GRAP2: variants seen among roughly 807,000 people sequenced by gnomAD.
The protein encoded by GRAP2 is GRB2-related adapter protein 2.
A neutral mutation model predicts 43.5 loss-of-function variants in GRAP2; 31 were observed. That is an observed-to-expected ratio of 0.71 (90% CI 0.54 to 0.96). The LOEUF (loss-of-function observed/expected upper bound fraction) is 0.96. Among genes scored for constraint, GRAP2 ranks in the 40% least tolerant of loss-of-function variants. The pLI is 0.00. For synonymous variants in GRAP2, 156 were observed against 164.8 expected (o/e 0.95, Z 0.41); for missense variants, 371 against 424.4 (o/e 0.87, Z 1.11).
intron 2 of GRAP2, among the ~76,000 whole-genome samples, chr22:39,953,035 T>G (rs1177123217): frequency 2.0e-5 from 3 of 152,198 alleles, no homozygotes; most frequent in Non-Finnish European, 4.4e-5. Context: ...CCTTCCACCT[T>G]GGAGTGATGT....
intron 1 of GRAP2, among the ~76,000 whole-genome samples, chr22:39,927,149 C>T (rs1030694402): frequency 6.6e-6 from 1 of 152,164 alleles, no homozygotes; most frequent in African/African-American, 2.4e-5. Flanking sequence ...GCAGATGCCA[C>T]GTTGATCACG....
upstream of GRAP2, among the ~76,000 whole-genome samples, chr22:39,899,570 ATGT>A (rs137958): frequency 0.26 from 39,088 of 151,982 alleles, 6,809 homozygotes; most frequent in African/African-American, 0.5. Context: ...AAGTAGCAAG[ATGT>A]TGTTATTTTT....
At chr22:39,939,258 C>A (rs969700693) in intron 1 of GRAP2, among the ~76,000 whole-genome samples, 2 of 152,160 alleles carry the variant, frequency 1.3e-5, no homozygotes, top group Non-Finnish European at 2.9e-5. Flanking sequence ...CCTGGGATCT[C>A]GAACCTGAGA....
At chr22:39,918,299 G>T (rs1041752621) in intron 1 of GRAP2, among the ~76,000 whole-genome samples, 1 of 152,082 alleles carries the variant, frequency 6.6e-6, no homozygotes. Flanking sequence ...TTATGAAATC[G>T]CAGACGAATA....
At chr22:39,969,644 T>C in intron 7 of GRAP2, 111 bp downstream of exon 7, 1 of 1,187,160 alleles carries the variant, frequency 8.4e-7, no homozygotes, top group South Asian at 1.4e-5. Flanking sequence ...CTGGGCACGG[T>C]GGCTCACACC....
intron 3 of GRAP2, among the ~76,000 whole-genome samples, chr22:39,956,151 C>G (rs2145655270): frequency 1.3e-5 from 2 of 150,060 alleles, no homozygotes; most frequent in South Asian, 4.2e-4. Context: ...TTAAGTTGTT[C>G]TTAACTTTTT....
chr22:39,917,149 T>C (rs1286597293), intron 1 of GRAP2, among the ~76,000 whole-genome samples: 3 of 152,192 alleles, frequency 2.0e-5, no homozygotes, highest in Non-Finnish European at 4.4e-5. Context: ...ATTTTGTTGG[T>C]AGTGATTTGA....
intron 1 of GRAP2, among the ~76,000 whole-genome samples, chr22:39,921,782 A>T (rs1008503517): frequency 2.0e-5 from 3 of 152,268 alleles, no homozygotes; most frequent in Non-Finnish European, 4.4e-5. Context: ...TTTAAAACCC[A>T]TTGTTTTTAT....
chr22:39,917,372 A>G (rs142293966), intron 1 of GRAP2, among the ~76,000 whole-genome samples: 1 of 152,228 alleles, frequency 6.6e-6, no homozygotes, highest in East Asian at 1.9e-4. Context: ...TTTCACTAAC[A>G]ACACGCCTCT....
At chr22:39,912,284 G>A (rs541104967) in intron 1 of GRAP2, among the ~76,000 whole-genome samples, 1 of 152,184 alleles carries the variant, frequency 6.6e-6, no homozygotes, top group Non-Finnish European at 1.5e-5. Flanking sequence ...GCCAGGGATG[G>A]TGATGCATGC....
intron 1 of GRAP2, among the ~76,000 whole-genome samples, chr22:39,901,920 C>T (rs1470369500): frequency 2.0e-5 from 3 of 152,192 alleles, no homozygotes; most frequent in Non-Finnish European, 2.9e-5. Flanking sequence ...CTGGTTTAGG[C>T]GTCCAGTCTG....
intron 1 of GRAP2, among the ~76,000 whole-genome samples, chr22:39,912,775 G>A (rs2066575978): frequency 6.6e-6 from 1 of 152,170 alleles, no homozygotes. Flanking sequence ...GACCAGCAGT[G>A]GCCGGAGTGA....
intron 1 of GRAP2, among the ~76,000 whole-genome samples, chr22:39,906,677 C>T (rs2066525706): frequency 6.6e-6 from 1 of 152,104 alleles, no homozygotes; most frequent in South Asian, 2.1e-4. Context: ...ATGAATAATA[C>T]TTCTTCGTTT....
intron 1 of GRAP2, among the ~76,000 whole-genome samples, chr22:39,932,086 A>G (rs1032401596): frequency 2.6e-5 from 4 of 152,144 alleles, no homozygotes; most frequent in Non-Finnish European, 4.4e-5. Context: ...CCCGGTTTTC[A>G]TGTAAGAAAT....
intron 1 of GRAP2, among the ~76,000 whole-genome samples, chr22:39,935,798 T>C (rs1443674431): frequency 6.6e-6 from 1 of 152,128 alleles, no homozygotes; most frequent in African/African-American, 2.4e-5. Context: ...GGTCATGCCG[T>C]CCTCTGCTGA....
At chr22:39,898,539 G>T, upstream of GRAP2, among the ~76,000 whole-genome samples, 1 of 152,270 alleles carries the variant, frequency 6.6e-6, no homozygotes, top group South Asian at 2.1e-4. Context: ...TTGGCCAGGC[G>T]CAGTGGCTCA....
upstream of GRAP2, among the ~76,000 whole-genome samples, chr22:39,899,887 G>A (rs961254256): frequency 1.3e-5 from 2 of 152,054 alleles, no homozygotes; most frequent in Non-Finnish European, 2.9e-5. Context: ...TTGGGAGGCT[G>A]AAGCAAGAGA....
chr22:39,938,127 G>A (rs2066825410), intron 1 of GRAP2, among the ~76,000 whole-genome samples: 1 of 152,144 alleles, frequency 6.6e-6, no homozygotes, highest in Non-Finnish European at 1.5e-5. Flanking sequence ...GGCCCTGCAT[G>A]GGGACAGTCT....
Position 39,965,931 on chromosome 22 carries a change from C to G in GRAP2, c.291-59C>G. The G allele has an allele frequency of 2.9e-6, 4 of 1,360,676 alleles. No individual in the cohort carries two copies. The African/African-American group carries it at 5.7e-5, about 19-fold the overall frequency. The allele number at this position is 1,360,676 out of a possible 1,614,324, so 84.3% of individuals were successfully genotyped here. A position where few individuals can be genotyped will look rare whatever the true frequency, so the allele number is the denominator to read the frequency against. ...CTCCACCATCCCAGATGTGAGCAGC[C>G]TGGAGGTGGTGACATTATCACCGTG... is the stretch of plus-strand genomic sequence containing the variant. On this transcript the variant is annotated intron_variant, in intron 4 of 7. Coordinates refer to ENST00000344138, the MANE Select transcript of GRAP2 (RefSeq NM_004810.4).
Sources: gnomAD v4.1 joint callset for allele counts (sites outside exome capture counted in the v4.1 genomes callset) on GRCh38, gnomAD v4.1.1 for gene constraint, MANE v1.5 for transcripts, NCBI Gene and HGNC (gene_info 2026-07-23, HGNC 2026-07-21) for gene names.